ARHGAP32: variants seen among roughly 807,000 people sequenced by gnomAD.
ARHGAP32 encodes Rho GTPase activating protein 32.
A neutral mutation model predicts 186.5 loss-of-function variants in ARHGAP32; 51 were observed. The observed-to-expected ratio is 0.27, with a 90% CI of 0.22 to 0.35. The LOEUF (loss-of-function observed/expected upper bound fraction) is 0.35, where lower values mean the gene tolerates loss of function less well. Among genes scored for constraint, ARHGAP32 ranks in the 10% least tolerant of loss-of-function variants. ARHGAP32 has a pLI of 1.00. For missense variants in ARHGAP32, 2,186 were observed against 2,623.5 expected (o/e 0.83, Z 3.64); for synonymous variants, 950 against 964.3 (o/e 0.99, Z 0.27).
At chr11:129,125,961 C>T (rs1942649833) in intron 2 of ARHGAP32, 4 of 430,970 alleles carry the variant, frequency 9.3e-6, no homozygotes, top group East Asian at 7.0e-5. Flanking sequence ...GCGGCTACCA[C>T]ACGGATTCAA....
chr11:129,195,436 T>A (rs929698390), upstream of ARHGAP32, among the ~76,000 whole-genome samples: 1 of 152,318 alleles, frequency 6.6e-6, no homozygotes, highest in African/African-American at 2.4e-5. Context: ...CAGTTAAATG[T>A]GCACATCTTC....
intron 1 of ARHGAP32, among the ~76,000 whole-genome samples, chr11:129,179,692 G>T (rs923721834): frequency 3.3e-5 from 5 of 149,832 alleles, no homozygotes; most frequent in African/African-American, 9.8e-5. Flanking sequence ...ACTATCTCAA[G>T]AACAAAAAAC....
chr11:129,189,119 A>G (rs1008003929), intron 1 of ARHGAP32, among the ~76,000 whole-genome samples: 1 of 152,232 alleles, frequency 6.6e-6, no homozygotes, highest in African/African-American at 2.4e-5. Flanking sequence ...CTCAAAAAAA[A>G]GGAATTTCAA....
At chr11:129,026,524 A>G (rs1938855072) in intron 11 of ARHGAP32, among the ~76,000 whole-genome samples, 1 of 152,164 alleles carries the variant, frequency 6.6e-6, no homozygotes, top group South Asian at 2.1e-4. Context: ...GGCTGGGCAC[A>G]GTGGCTCACA....
intron 20 of ARHGAP32, 118 bp from the exon 21 acceptor site, chr11:128,975,120 C>T (rs1446599775): frequency 2.4e-6 from 2 of 824,762 alleles, no homozygotes; most frequent in Non-Finnish European, 3.7e-6. Context: ...TGTTACTTCT[C>T]ATTTTCTTTC....
chr11:129,181,108 AT>A (rs983730623), intron 1 of ARHGAP32, among the ~76,000 whole-genome samples: 16 of 152,190 alleles, frequency 1.1e-4, no homozygotes, highest in African/African-American at 3.6e-4. Flanking sequence ...CCTGGAATAA[AT>A]TCCAAGCAGG....
intron 6 of ARHGAP32, among the ~76,000 whole-genome samples, chr11:129,075,326 A>G (rs1466853512): frequency 6.6e-6 from 1 of 152,242 alleles, no homozygotes; most frequent in Non-Finnish European, 1.5e-5. Context: ...TAATTAAAAA[A>G]GCAAAAATAG....
At chr11:129,158,221 A>T (rs761333143) in intron 2 of ARHGAP32, among the ~76,000 whole-genome samples, 3 of 152,156 alleles carry the variant, frequency 2.0e-5, no homozygotes, top group Non-Finnish European at 2.9e-5. Context: ...TTTCGCACAT[A>T]ACAATATTAA....
intron 11 of ARHGAP32, among the ~76,000 whole-genome samples, chr11:128,998,686 C>A (rs1946266161): frequency 6.6e-6 from 1 of 152,120 alleles, no homozygotes. Context: ...AAGTCAGGGA[C>A]CTTGAATGGA....
At chr11:129,250,212 G>A (rs770640722) in intron 1 of ARHGAP32, among the ~76,000 whole-genome samples, 15 of 152,086 alleles carry the variant, frequency 9.9e-5, no homozygotes, top group Non-Finnish European at 1.8e-4. Flanking sequence ...GCAAGCCTCT[G>A]TCAGTGATAC....
At chr11:129,149,518 T>C (rs567475316) in intron 2 of ARHGAP32, among the ~76,000 whole-genome samples, 1 of 152,262 alleles carries the variant, frequency 6.6e-6, no homozygotes, top group South Asian at 2.1e-4. Context: ...GCTGGGTGGC[T>C]AGACCCAGAA....
chr11:128,991,098 GT>G (rs1321052613), intron 12 of ARHGAP32, among the ~76,000 whole-genome samples: 1 of 152,122 alleles, frequency 6.6e-6, no homozygotes, highest in Non-Finnish European at 1.5e-5. Context: ...TTCATTGGAT[GT>G]GTATATCTGT....
At chr11:128,998,588 T>C in intron 11 of ARHGAP32, 120 bp from the exon 12 acceptor site, 2 of 628,414 alleles carry the variant, frequency 3.2e-6, no homozygotes, top group Admixed American at 8.1e-5. Flanking sequence ...ATATACTTTA[T>C]AATCTTTAGG....
chr11:129,126,058 T>C, intron 2 of ARHGAP32: 1 of 436,782 alleles, frequency 2.3e-6, no homozygotes, highest in South Asian at 1.7e-5. Flanking sequence ...TAGGTATTAT[T>C]TCATCAGTAC....
intron 20 of ARHGAP32, among the ~76,000 whole-genome samples, chr11:128,976,278 A>C (rs1945539641): frequency 1.3e-5 from 2 of 152,110 alleles, no homozygotes; most frequent in Admixed American, 1.3e-4. Context: ...TAATAACACA[A>C]GTTTTCACTA....
In ARHGAP32 at chr11:128,973,140, G is replaced by A. The variant is rs1945441667; in HGVS notation, c.3366C>T (p.His1122=). The change falls in exon 22 of 23, where the codon CAC becomes CAT. Residue 1122 remains histidine (H), a synonymous_variant. Coordinates refer to ENST00000682385, the MANE Select transcript of ARHGAP32 (RefSeq NM_001378024.1). The part of the protein sequence containing the change: ...FQTDRPAEQF[H]LQNNAPGNCD... ...AGTTTCCTGGTGCATTATTCTGGAG[G>A]TGGAACTGCTCTGCTGGTCGATCGG... The A allele has an allele frequency of 6.2e-7, 1 of 1,614,072 alleles. No individual in the cohort carries two copies. The highest frequency in any genetic ancestry group is 8.5e-7 in the Non-Finnish European group (1 of 1,180,046).
intron 11 of ARHGAP32, among the ~76,000 whole-genome samples, chr11:129,012,880 T>C (rs1938150697): frequency 6.6e-6 from 1 of 152,188 alleles, no homozygotes; most frequent in Non-Finnish European, 1.5e-5. Context: ...TACTGACCAA[T>C]AAACATACAT....
intron 10 of ARHGAP32, among the ~76,000 whole-genome samples, chr11:129,041,948 A>C (rs1362510838): frequency 1.3e-5 from 2 of 152,244 alleles, no homozygotes; most frequent in African/African-American, 4.8e-5. Flanking sequence ...ACTCTGGGGA[A>C]GAATGGAATA....
At chr11:129,000,025 A>C (rs1946313104) in intron 11 of ARHGAP32, among the ~76,000 whole-genome samples, 1 of 152,180 alleles carries the variant, frequency 6.6e-6, no homozygotes, top group African/African-American at 2.4e-5. Flanking sequence ...TAATCTGTTG[A>C]ATATAACTGA....
Sources: gnomAD v4.1 joint callset for allele counts (sites outside exome capture counted in the v4.1 genomes callset) on GRCh38, gnomAD v4.1.1 for gene constraint, MANE v1.5 for transcripts, NCBI Gene and HGNC (gene_info 2026-07-23, HGNC 2026-07-21) for gene names.